IL2RB: variants seen among roughly 807,000 people sequenced by gnomAD.
IL2RB encodes interleukin-2 receptor subunit beta.
Under a neutral mutation model 44.2 loss-of-function variants are expected in IL2RB, and 17 were observed. The ratio of observed to expected loss-of-function variants is 0.38; its 90% CI spans 0.26 to 0.58. The LOEUF is 0.58. Ranked by LOEUF, IL2RB falls within the 20% of genes least tolerant of loss-of-function variation. IL2RB has a pLI of 0.63. For synonymous variants in IL2RB, 286 were observed against 297.9 expected (o/e 0.96, Z 0.41); for missense variants, 624 against 685.5 (o/e 0.91, Z 1.00).
At chr22:37,151,099 G>T (rs1488485954), upstream of IL2RB, among the ~76,000 whole-genome samples, 1 of 152,188 alleles carries the variant, frequency 6.6e-6, no homozygotes, top group Non-Finnish European at 1.5e-5. Context: ...TCAGCAGTGG[G>T]ATTGCTGGAT....
chr22:37,136,973 G>A (rs1374631448), intron 6 of IL2RB, among the ~76,000 whole-genome samples: 4 of 152,216 alleles, frequency 2.6e-5, no homozygotes, highest in Non-Finnish European at 5.9e-5. Context: ...GCCTGTGCCA[G>A]TCACTGTCAA....
intron 1 of IL2RB, among the ~76,000 whole-genome samples, chr22:37,169,431 G>C (rs1923199977): frequency 6.6e-6 from 1 of 152,146 alleles, no homozygotes; most frequent in African/African-American, 2.4e-5. Flanking sequence ...TTTACAGAGG[G>C]GTTCATATTT....
chr22:37,152,576 T>C (rs1418193663), upstream of IL2RB, among the ~76,000 whole-genome samples: 1 of 152,182 alleles, frequency 6.6e-6, no homozygotes, highest in African/African-American at 2.4e-5. Flanking sequence ...CTCTTGTCTG[T>C]TTGTTCTAGC....
chr22:37,143,696 G>T, intron 2 of IL2RB, 61 bp from the exon 3 acceptor site: 14 of 1,182,598 alleles, frequency 1.2e-5, no homozygotes, highest in Non-Finnish European at 1.8e-5. Context: ...CCCAAGACAC[G>T]CCCACTGCCC....
Position 37,128,984 on chromosome 22 carries a change from T to G in IL2RB, c.904-136A>C. The stretch of plus-strand genomic sequence containing the variant: ...CAGGGCTGCCCCATCCAGGAAGCTC[T>G]CCCTGATTATAGCCCCGCACTCCCC... On this transcript the variant is annotated intron_variant, in intron 9 of 9. Coordinates refer to ENST00000216223, the MANE Select transcript of IL2RB (RefSeq NM_000878.5). This position sits in a 1 kb window ranked among gnomAD's most constrained non-coding sequence, Gnocchi z 4.5. 2.8e-6 allele frequency: 3 copies of G among 1,074,970 alleles called. No homozygotes were observed. The highest frequency in any genetic ancestry group is 3.9e-6 in the Non-Finnish European group (3 of 770,792). The allele number at this position is 1,074,970 out of a possible 1,614,324, so 66.6% of individuals were successfully genotyped here.
chr22:37,142,587 C>T, intron 3 of IL2RB, 75 bp from the exon 4 acceptor site: 1 of 1,447,470 alleles, frequency 6.9e-7, no homozygotes. Flanking sequence ...CTTCTCAGAT[C>T]TCTCTGCTGC....
Position 37,140,320 on chromosome 22 carries a change from A to ATTG in IL2RB, c.283-1099_283-1098insCAA. ...TATTATTATTATTATTATTATTATT[A>ATTG]TTATTATTACTATTATTGTTATAAA... On this transcript the variant is annotated intron_variant, in intron 4 of 9. Transcript: ENST00000216223. Among the ~76,000 whole-genome samples, 2 of 131,514 alleles carry ATTG rather than the reference A, an allele frequency of 1.5e-5. 1 individual carries two copies. Among genetic ancestry groups the ATTG allele is most frequent in the Middle Eastern group, 8.1e-3 (2 of 248 alleles). The allele number at this position is 131,514 out of a possible 152,430, so 86.3% of individuals were successfully genotyped here.
At chr22:37,148,398 GACCTCGAGTTTGAGC>G (rs1280875143) in intron 1 of IL2RB, among the ~76,000 whole-genome samples, 8 of 152,140 alleles carry the variant, frequency 5.3e-5, no homozygotes, top group Admixed American at 1.3e-4. Flanking sequence ...TGGAGCCCAG[GACCTCGAGTTTGAGC>G]ACCCCCTCCT....
intron 5 of IL2RB, among the ~76,000 whole-genome samples, chr22:37,138,562 A>G (rs1921814799): frequency 6.6e-6 from 1 of 152,226 alleles, no homozygotes; most frequent in African/African-American, 2.4e-5. Context: ...GATGAGACCT[A>G]GTGCTGGGTG....
chr22:37,173,143 C>T (rs1923344472), intron 1 of IL2RB, among the ~76,000 whole-genome samples: 1 of 152,194 alleles, frequency 6.6e-6, no homozygotes, highest in South Asian at 2.1e-4. Context: ...CCCATATTGG[C>T]CCCTCCACCA....
intron 9 of IL2RB, among the ~76,000 whole-genome samples, 171 bp downstream of exon 9, chr22:37,132,213 G>A (rs909104575): frequency 1.3e-5 from 2 of 152,150 alleles, no homozygotes; most frequent in Non-Finnish European, 2.9e-5. Context: ...CAGGCAGTCT[G>A]GCTCAGATGG....
Position 37,157,433 on chromosome 22 carries a change from C to T in IL2RB, c.-33-13228G>A, listed in dbSNP as rs143180683. Among the ~76,000 whole-genome samples the T allele has an allele frequency of 4.3e-3, 657 of 152,306 alleles. 3 individuals carry two copies. The highest frequency in any genetic ancestry group is 0.02 in the Middle Eastern group (6 of 294). The stretch of plus-strand genomic sequence containing the variant: ...AGCCCCACGTTCTTCCCTGTTCATC[C>T]GGGAGCTGCCTGCTTCATAGCCACA... On this transcript the variant is annotated intron_variant, in intron 1 of 5. Transcript: ENST00000429622.
intron 1 of IL2RB, 43 bp downstream of exon 1, chr22:37,149,782 T>G: frequency 1.1e-6 from 1 of 915,734 alleles, no homozygotes; most frequent in Non-Finnish European, 1.3e-6. Context: ...CCCAGCCCTC[T>G]GGCTGGTCCA....
intron 5 of IL2RB, among the ~76,000 whole-genome samples, chr22:37,138,291 G>C (rs114760582): frequency 2.2e-3 from 334 of 152,346 alleles, no homozygotes; most frequent in African/African-American, 7.6e-3. Flanking sequence ...AACCACATAA[G>C]TGATAAGCAG....
chr22:37,153,172 T>C (rs545975383), upstream of IL2RB, among the ~76,000 whole-genome samples: 1 of 152,206 alleles, frequency 6.6e-6, no homozygotes, highest in East Asian at 1.9e-4. Flanking sequence ...TGACCTCAGG[T>C]GATCCACCTC....
intron 1 of IL2RB, among the ~76,000 whole-genome samples, chr22:37,156,282 C>G (rs754062175): frequency 6.6e-6 from 1 of 152,264 alleles, no homozygotes; most frequent in Non-Finnish European, 1.5e-5. Context: ...CACCCGCGTG[C>G]TGCCATCACC....
upstream of IL2RB, among the ~76,000 whole-genome samples, chr22:37,150,210 C>A (rs920750997): frequency 1.5e-4 from 23 of 152,062 alleles, no homozygotes; most frequent in African/African-American, 5.5e-4. Flanking sequence ...CCTCCTACAT[C>A]ACCCCCACGC....
At chr22:37,132,581 A>C in intron 8 of IL2RB, 113 bp from the exon 9 acceptor site, 1 of 713,028 alleles carries the variant, frequency 1.4e-6, no homozygotes, top group East Asian at 2.7e-5. Flanking sequence ...ACATTTACTT[A>C]TGTATTTCTT....
Position 37,136,362 on chromosome 22 carries a change from T to C in IL2RB, c.569A>G (p.Gln190Arg). The stretch of plus-strand genomic sequence containing the variant: ...GAGCGTCTCCAGGCAGATCCATTCC[T>C]GCTTCTGCTTGAGAGTCAGCAGGGG... ...EAPLLTLKQK[Q>R]EWICLETLTP... The change falls in exon 7 of 10, where the codon CAG becomes CGG. Residue 190 changes from glutamine (Q) to arginine (R), a missense_variant. Around this residue, in one of 3 missense-constraint regions of IL2RB, gnomAD observed 255 missense variants for 339.9 expected, o/e 0.75. Coordinates refer to ENST00000216223, the MANE Select transcript of IL2RB (RefSeq NM_000878.5). 1 of 1,612,152 alleles carries C rather than the reference T, an allele frequency of 6.2e-7. No individual in the cohort carries two copies. The highest frequency in any genetic ancestry group is 8.5e-7 in the Non-Finnish European group (1 of 1,179,304).
Sources: allele counts gnomAD v4.1 joint callset (sites outside exome capture counted in the v4.1 genomes callset), GRCh38; gene constraint gnomAD v4.1.1; regional missense constraint gnomAD v4.1.1; non-coding constraint Gnocchi (gnomAD v3.1); transcripts MANE v1.5; gene names NCBI Gene and HGNC (gene_info 2026-07-23, HGNC 2026-07-21).